The following FAM13A variants were observed in gnomAD, a reference collection of about 807,000 sequenced individuals.
FAM13A encodes the protein family with sequence similarity 13 member A, also known as protein FAM13A.
FAM13A carries 76 observed loss-of-function variants against 129.6 expected under a neutral mutation model. The observed-to-expected ratio is 0.59, with a 90% CI of 0.49 to 0.71. The LOEUF (loss-of-function observed/expected upper bound fraction) is 0.71, where lower values mean the gene tolerates loss of function less well. Among genes scored for constraint, FAM13A ranks in the 30% least tolerant of loss-of-function variants. FAM13A has a pLI of 0.00. For synonymous variants in FAM13A, 443 were observed against 449.9 expected (o/e 0.98, Z 0.20); for missense variants, 1,108 against 1,249.3 (o/e 0.89, Z 1.70).
chr4:88,953,652 C>T (rs549764573), intron 4 of FAM13A, among the ~76,000 whole-genome samples: 1 of 152,158 alleles, frequency 6.6e-6, no homozygotes, highest in Non-Finnish European at 1.5e-5. Flanking sequence ...CTCCTCCCAG[C>T]TCCTCATAAC....
chr4:88,940,035 C>T (rs898072), intron 4 of FAM13A, among the ~76,000 whole-genome samples: 50 of 152,314 alleles, frequency 3.3e-4, no homozygotes, highest in Non-Finnish European at 6.5e-4. Context: ...TTCCTGACCC[C>T]TAGAAATTGT....
intron 5 of FAM13A, among the ~76,000 whole-genome samples, chr4:88,923,732 G>T (rs1023027315): frequency 3.9e-5 from 6 of 152,090 alleles, no homozygotes; most frequent in African/African-American, 1.2e-4. Context: ...GAAATAAAGG[G>T]TATTCAATTA....
At chr4:88,798,071 A>G (rs1248505920) in intron 8 of FAM13A, among the ~76,000 whole-genome samples, 3 of 152,168 alleles carry the variant, frequency 2.0e-5, no homozygotes, top group African/African-American at 7.2e-5. Flanking sequence ...TTCTTAGTTT[A>G]TATAATTGTC....
intron 5 of FAM13A, among the ~76,000 whole-genome samples, chr4:88,925,305 C>G (rs1042933134): frequency 1.3e-5 from 2 of 152,066 alleles, no homozygotes; most frequent in Admixed American, 1.3e-4. Context: ...GGAACCAACC[C>G]AAATGTCCAA....
chr4:88,834,846 T>C (rs1406517183), intron 7 of FAM13A, among the ~76,000 whole-genome samples: 1 of 152,054 alleles, frequency 6.6e-6, no homozygotes, highest in Non-Finnish European at 1.5e-5. Context: ...TGAAATACTA[T>C]TATCTCTCTC....
At chr4:88,991,711 A>T (rs774319650) in intron 3 of FAM13A, among the ~76,000 whole-genome samples, 3 of 152,202 alleles carry the variant, frequency 2.0e-5, no homozygotes, top group Non-Finnish European at 2.9e-5. Context: ...CTTAGTGATC[A>T]AGGTACTGTA....
intron 4 of FAM13A, among the ~76,000 whole-genome samples, chr4:88,975,628 G>GT (rs199671537): frequency 0.02 from 3,064 of 152,230 alleles, 111 homozygotes; most frequent in African/African-American, 0.069. Context: ...TTTTCTTTTA[G>GT]AAGCATGGAA....
chr4:88,755,077 C>A (rs1743360021), intron 14 of FAM13A, among the ~76,000 whole-genome samples: 1 of 152,128 alleles, frequency 6.6e-6, no homozygotes, highest in African/African-American at 2.4e-5. Context: ...TTTTCAAATG[C>A]ACCATTTCCC....
chr4:88,738,525 A>G (rs1003365021), intron 20 of FAM13A, among the ~76,000 whole-genome samples: 24 of 152,198 alleles, frequency 1.6e-4, no homozygotes, highest in African/African-American at 4.6e-4. Context: ...AGCAACTTCA[A>G]TGAGTAGCCT....
At chr4:88,732,483 G>A (rs558521414) in intron 21 of FAM13A, 8 of 255,280 alleles carry the variant, frequency 3.1e-5, no homozygotes, top group Admixed American at 1.1e-4. Flanking sequence ...TTGGGGGTAA[G>A]AAGGAACAAC....
At chr4:88,941,289 G>C (rs191960519) in intron 4 of FAM13A, among the ~76,000 whole-genome samples, 3 of 152,306 alleles carry the variant, frequency 2.0e-5, no homozygotes, top group East Asian at 3.9e-4. Context: ...GAAGTTTCCT[G>C]TTTTAATCCT....
At chr4:88,886,543 G>A (rs1205939772) in intron 6 of FAM13A, among the ~76,000 whole-genome samples, 1 of 151,240 alleles carries the variant, frequency 6.6e-6, no homozygotes, top group African/African-American at 2.4e-5. Context: ...AGCCAAGATC[G>A]CACCACTGCA....
At chr4:88,925,383 T>C (rs1308945961) in intron 5 of FAM13A, among the ~76,000 whole-genome samples, 3 of 152,134 alleles carry the variant, frequency 2.0e-5, no homozygotes, top group African/African-American at 7.2e-5. Flanking sequence ...CCATAAAAAA[T>C]GATGAGTTCA....
intron 2 of FAM13A, among the ~76,000 whole-genome samples, chr4:89,027,701 G>T (rs1369042497): frequency 1.3e-5 from 2 of 151,828 alleles, no homozygotes; most frequent in Non-Finnish European, 2.9e-5. Context: ...CTTGCGCTTT[G>T]GGGCCATTAT....
At chr4:88,998,427 AG>A (rs1763837873) in intron 3 of FAM13A, among the ~76,000 whole-genome samples, 1 of 152,184 alleles carries the variant, frequency 6.6e-6, no homozygotes, top group Non-Finnish European at 1.5e-5. Context: ...ACTCTTACAA[AG>A]TTAGCTATTA....
At chr4:88,752,620 G>T (rs918309195) in intron 14 of FAM13A, among the ~76,000 whole-genome samples, 1 of 152,196 alleles carries the variant, frequency 6.6e-6, no homozygotes, top group Non-Finnish European at 1.5e-5. Flanking sequence ...CGAACAGGAG[G>T]TGTTTCATCA....
At chr4:88,905,434 G>C (rs950818273) in intron 6 of FAM13A, among the ~76,000 whole-genome samples, 6 of 151,568 alleles carry the variant, frequency 4.0e-5, no homozygotes, top group Non-Finnish European at 7.4e-5. Context: ...TTTACGTTTG[G>C]GGGTACATGT....
chr4:88,784,365 C>T (rs917885410), intron 10 of FAM13A, among the ~76,000 whole-genome samples: 1 of 152,188 alleles, frequency 6.6e-6, no homozygotes, highest in Non-Finnish European at 1.5e-5. Flanking sequence ...GTATAAAACA[C>T]ATGGTTGTAT....
intron 3 of FAM13A, among the ~76,000 whole-genome samples, chr4:89,001,189 G>T (rs890883466): frequency 1.7e-4 from 26 of 152,214 alleles, no homozygotes; most frequent in Admixed American, 1.5e-3. Flanking sequence ...TACAAATAAG[G>T]TTCTTCCTGT....
Sources: gnomAD v4.1 joint callset for allele counts (sites outside exome capture counted in the v4.1 genomes callset) on GRCh38, gnomAD v4.1.1 for gene constraint, MANE v1.5 for transcripts, NCBI Gene and HGNC (gene_info 2026-07-23, HGNC 2026-07-21) for gene names.